The following IL1RAPL1 variants were observed in gnomAD, a reference collection of about 807,000 sequenced individuals.
The protein encoded by IL1RAPL1 is interleukin 1 receptor accessory protein like 1, also known as interleukin-1 receptor accessory protein-like 1.
A neutral mutation model predicts 48.4 loss-of-function variants in IL1RAPL1; 3 were observed. That is an observed-to-expected ratio of 0.06 (90% confidence interval 0.03 to 0.16). The LOEUF (loss-of-function observed/expected upper bound fraction) is 0.16, where lower values mean the gene tolerates loss of function less well. IL1RAPL1 is among the 10% of genes least tolerant of loss of function. IL1RAPL1 has a pLI of 1.00. For missense variants in IL1RAPL1, 349 were observed against 530.6 expected (o/e 0.66, Z 3.36); for synonymous variants, 185 against 187.7 (o/e 0.99, Z 0.12).
intron 6 of IL1RAPL1, among the ~76,000 whole-genome samples, chrX:29,712,094 C>CTT (rs57292754): frequency 4.8e-4 from 48 of 99,522 alleles, no homozygotes; most frequent in South Asian, 9.2e-4. Flanking sequence ...AAATTTTCTT[C>CTT]TTTTTTTTTT....
chrX:28,784,871 T>C (rs940462174), intron 1 of IL1RAPL1, among the ~76,000 whole-genome samples: 1 of 111,736 alleles, frequency 8.9e-6, no homozygotes, highest in Non-Finnish European at 1.9e-5. Flanking sequence ...TTCTTTCCTC[T>C]GAATCTCTTT....
At position 29,080,953 on chromosome X, in the gene IL1RAPL1, TTTC is replaced by T. The variant is rs1214896709; in HGVS notation, c.83-201982_83-201980del. The stretch of plus-strand genomic sequence containing the variant: ...CTTTCTTTCTTTCTTTCTTTCTTTC[TTTC>T]TTTCTTTCTTTCTTTCTTTCTTTCT... On this transcript the variant is annotated intron_variant, in intron 2 of 10. Coordinates refer to ENST00000378993, the MANE Select transcript of IL1RAPL1 (RefSeq NM_014271.4). 1.4e-4 allele frequency among the ~76,000 whole-genome samples: 5 copies of T among 36,448 alleles called. 1 individual carries two copies. The highest frequency in any genetic ancestry group is 4.6e-4 in the African/African-American group (3 of 6,499). 31.7% of individuals were successfully genotyped at this position (36,448 alleles called of 115,157 possible). A position where few individuals can be genotyped will look rare whatever the true frequency, so the allele number is the denominator to read the frequency against.
intron 2 of IL1RAPL1, among the ~76,000 whole-genome samples, chrX:29,232,147 A>T (rs1013118381): frequency 5.4e-5 from 6 of 111,765 alleles, no homozygotes. Context: ...TTAAATATAT[A>T]TTAAATGTTA....
chrX:28,689,215 C>A (rs199718155), intron 1 of IL1RAPL1, among the ~76,000 whole-genome samples: 1 of 110,998 alleles, frequency 9.0e-6, no homozygotes, highest in East Asian at 2.9e-4. Context: ...CAAAATCTCA[C>A]CTTGAATTGT....
chrX:28,738,363 A>G (rs1370599435), intron 1 of IL1RAPL1, among the ~76,000 whole-genome samples: 4 of 111,934 alleles, frequency 3.6e-5, no homozygotes, highest in Non-Finnish European at 5.6e-5. Context: ...TTGGTGATAT[A>G]GCAGAGAACA....
intron 2 of IL1RAPL1, among the ~76,000 whole-genome samples, chrX:29,021,727 C>T (rs1420732484): frequency 9.0e-6 from 1 of 111,602 alleles, no homozygotes; most frequent in East Asian, 2.8e-4. Flanking sequence ...TCACTGTCTT[C>T]GTCTATGCCT....
At chrX:28,787,531 A>G (rs1215054420) in intron 1 of IL1RAPL1, among the ~76,000 whole-genome samples, 1 of 111,675 alleles carries the variant, frequency 9.0e-6, no homozygotes, top group Non-Finnish European at 1.9e-5. Context: ...GAAAACTTAA[A>G]CAGATTGTCA....
intron 6 of IL1RAPL1, among the ~76,000 whole-genome samples, chrX:29,766,089 G>C (rs1394521056): frequency 9.2e-6 from 1 of 108,390 alleles, no homozygotes; most frequent in Non-Finnish European, 1.9e-5. Flanking sequence ...CCAGCACTTT[G>C]GGAGGCCGAG....
rs1927754553 is a variant in IL1RAPL1 at position 29,725,552 on chromosome X, A to C, written c.778+57048A>C. 2.7e-5 allele frequency among the ~76,000 whole-genome samples: 3 copies of C among 110,882 alleles called. No individual in the cohort carries two copies. In the Admixed American group the frequency reaches 2.9e-4, roughly 11 times the overall value. The stretch of plus-strand genomic sequence containing the variant: ...TTCAGTTAGATTCTTCTTAAATTGG[A>C]ATGTCTCCAGACTCCCAAGTCTCTG... On this transcript the variant is annotated intron_variant, in intron 6 of 10. Transcript: ENST00000378993.
At chrX:29,414,216 T>C (rs1487269147) in intron 5 of IL1RAPL1, among the ~76,000 whole-genome samples, 1 of 110,464 alleles carries the variant, frequency 9.1e-6, no homozygotes, top group Non-Finnish European at 1.9e-5. Flanking sequence ...TATTGTTCAG[T>C]AGTTAGCAGA....
rs762325404 is a variant in IL1RAPL1, at chrX:29,350,252, A to ACC, written c.363-45996_363-45995dup. ...TAAAATCAGTTGTGTGTTTGGATAC[A>ACC]CCCCCCCCCCCACCTGGCTCATAGA... On this transcript the variant is annotated intron_variant, in intron 3 of 10. Transcript: ENST00000378993. Among the ~76,000 whole-genome samples the ACC allele has an allele frequency of 7.3e-3, 302 of 41,442 alleles. 12 individuals carry two copies. The highest frequency in any genetic ancestry group is 0.028 in the African/African-American group (198 of 7,111). 36.0% of individuals were successfully genotyped at this position (41,442 alleles called of 115,157 possible).
At chrX:28,850,760 T>A (rs1389703565) in intron 2 of IL1RAPL1, among the ~76,000 whole-genome samples, 1 of 110,180 alleles carries the variant, frequency 9.1e-6, no homozygotes. Context: ...ATTTCATGTT[T>A]GGGCCCCTTA....
chrX:28,637,189 C>CCA (rs1934475554), intron 1 of IL1RAPL1, among the ~76,000 whole-genome samples: 1 of 111,198 alleles, frequency 9.0e-6, no homozygotes, highest in Non-Finnish European at 1.9e-5. Flanking sequence ...TGTGCCACAG[C>CCA]CACACTGGTG....
chrX:28,984,379 G>A (rs1341055793), intron 2 of IL1RAPL1, among the ~76,000 whole-genome samples: 1 of 111,603 alleles, frequency 9.0e-6, no homozygotes, highest in Non-Finnish European at 1.9e-5. Flanking sequence ...GTCACTATTA[G>A]GCCAGTGTCA....
At chrX:28,922,633 C>T (rs1004062400) in intron 2 of IL1RAPL1, among the ~76,000 whole-genome samples, 1 of 111,643 alleles carries the variant, frequency 9.0e-6, no homozygotes, top group Non-Finnish European at 1.9e-5. Context: ...TGTTTCAAGC[C>T]ATCTTGGCCC....
intron 1 of IL1RAPL1, among the ~76,000 whole-genome samples, chrX:28,767,715 ATGTGTGTGTGTG>A (rs35909020): frequency 0.029 from 3,003 of 101,815 alleles, 113 homozygotes; most frequent in African/African-American, 0.1. Context: ...AGCCTGGGGG[ATGTGTGTGTGTG>A]TGTGTGTGTG....
chrX:29,766,480 T>TATATATATATTTATATATCCAA (rs1928911153), intron 6 of IL1RAPL1, among the ~76,000 whole-genome samples: 6 of 61,017 alleles, frequency 9.8e-5, no homozygotes, highest in Non-Finnish European at 2.0e-4. Context: ...TATATCCAAA[T>TATATATATATTTATATATCCAA]ATATATATAT....
At chrX:29,529,520 TG>T (rs1244878696) in intron 5 of IL1RAPL1, among the ~76,000 whole-genome samples, 1 of 106,923 alleles carries the variant, frequency 9.4e-6, no homozygotes, top group Non-Finnish European at 1.9e-5. Flanking sequence ...GAGAATGGCT[TG>T]AACCCGGGAA....
intron 6 of IL1RAPL1, among the ~76,000 whole-genome samples, chrX:29,733,650 A>T (rs1927975695): frequency 8.9e-6 from 1 of 112,535 alleles, no homozygotes; most frequent in African/African-American, 3.2e-5. Flanking sequence ...ATAAGATCCC[A>T]TTGGGGCATC....
Sources: allele counts gnomAD v4.1 joint callset (sites outside exome capture counted in the v4.1 genomes callset), GRCh38; gene constraint gnomAD v4.1.1; transcripts MANE v1.5; gene names NCBI Gene and HGNC (gene_info 2026-07-23, HGNC 2026-07-21).